UNC13C: variants seen among roughly 807,000 people sequenced by gnomAD.
The protein encoded by UNC13C is unc-13 homolog C.
A neutral mutation model predicts 245.4 loss-of-function variants in UNC13C; 174 were observed. The ratio of observed to expected loss-of-function variants is 0.71; its 90% CI spans 0.63 to 0.80. The LOEUF (loss-of-function observed/expected upper bound fraction) is 0.80. UNC13C is among the 30% of genes least tolerant of loss of function. The probability of loss-of-function intolerance (pLI) is 0.00; values close to 1 mark genes in which losing one functional copy is unlikely to be tolerated. For synonymous variants in UNC13C, 992 were observed against 895.1 expected, an observed-to-expected ratio of 1.11 and a Z score of -1.93; for missense variants, 2,829 against 2,602.9, an observed-to-expected ratio of 1.09 and a Z score of -1.89.
chr15:54,526,083 G>A (rs961489367), intron 25 of UNC13C, among the ~76,000 whole-genome samples: 3 of 152,168 alleles, frequency 2.0e-5, no homozygotes, highest in Admixed American at 6.5e-5. Flanking sequence ...AGTATAGCTG[G>A]ATCAACAACC....
chr15:54,301,629 T>C (rs2037585557), intron 13 of UNC13C, among the ~76,000 whole-genome samples: 1 of 152,184 alleles, frequency 6.6e-6, no homozygotes, highest in African/African-American at 2.4e-5. Context: ...CATCCTTTTT[T>C]ATAGCTGCAT....
intron 2 of UNC13C, among the ~76,000 whole-genome samples, chr15:54,075,350 C>T (rs59386706): frequency 0.21 from 31,129 of 151,136 alleles, 3,718 homozygotes; most frequent in South Asian, 0.35. Context: ...CCAGGCCTGG[C>T]GGCAGGTGCC....
At chr15:54,047,476 T>C (rs546622206) in intron 2 of UNC13C, among the ~76,000 whole-genome samples, 4 of 152,228 alleles carry the variant, frequency 2.6e-5, no homozygotes, top group African/African-American at 9.6e-5. Flanking sequence ...ATCTTGCCTA[T>C]GCTAGTACCT....
intron 2 of UNC13C, among the ~76,000 whole-genome samples, chr15:54,135,659 G>A (rs551694089): frequency 2.4e-4 from 37 of 152,244 alleles, no homozygotes; most frequent in Middle Eastern, 3.4e-3. Context: ...ATCAGTCTAT[G>A]TGTGTATTTT....
At chr15:54,612,261 T>C (rs1298036937) in intron 30 of UNC13C, among the ~76,000 whole-genome samples, 5 of 138,930 alleles carry the variant, frequency 3.6e-5, no homozygotes, top group African/African-American at 1.4e-4. Context: ...GTTTAAAATA[T>C]ATGCTAATGT....
chr15:54,044,329 T>C (rs1896938455), intron 2 of UNC13C: 1 of 234,764 alleles, frequency 4.3e-6, no homozygotes, highest in Admixed American at 5.0e-5. Flanking sequence ...CATCCCTCTA[T>C]ATGCTGATTG....
At position 54,480,257 on chromosome 15, in the gene UNC13C, A is replaced by G. The variant is rs1893030147; in HGVS notation, c.4934-14351A>G. Among the ~76,000 whole-genome samples the G allele has an allele frequency of 2.6e-5, 4 of 151,682 alleles. No individual in the cohort carries two copies. The South Asian group carries it at 8.3e-4, about 31-fold the overall frequency. On this transcript the variant is annotated intron_variant, in intron 19 of 32. Transcript: ENST00000260323. ...TTCATTTAGCTCTGCTGTGGTCTTT[A>G]TTATTTATTTATTATTTAAGCTATT...
At chr15:54,622,958 G>A (rs1900887902) in intron 31 of UNC13C, among the ~76,000 whole-genome samples, 2 of 152,060 alleles carry the variant, frequency 1.3e-5, no homozygotes, top group Non-Finnish European at 2.9e-5. Flanking sequence ...AACTAGGGCT[G>A]CCCAATATAT....
intron 2 of UNC13C, among the ~76,000 whole-genome samples, chr15:54,067,713 A>G (rs1898137726): frequency 6.6e-6 from 1 of 152,190 alleles, no homozygotes; most frequent in African/African-American, 2.4e-5. Flanking sequence ...GGATATTCAG[A>G]CTTACGTCAT....
chr15:54,403,972 G>A (rs2040241410), intron 18 of UNC13C, among the ~76,000 whole-genome samples: 3 of 152,214 alleles, frequency 2.0e-5, no homozygotes, highest in South Asian at 4.1e-4. Flanking sequence ...TAATTTACTA[G>A]TAGAGTCCTG....
rs117042047 is a variant in UNC13C, at chr15:54,528,298, G to T, written c.5546+2661G>T. ...GGTTTCTGCTTACACATGTTTTGCA[G>T]TTTGGTTTTTGGTTTGCTCCTTTTT... On this transcript the variant is annotated intron_variant, in intron 25 of 32. Transcript: ENST00000260323. Among the ~76,000 whole-genome samples the T allele has an allele frequency of 5.2e-3, 763 of 145,754 alleles. 2 individuals are homozygous for T. Among genetic ancestry groups the T allele is most frequent in the Non-Finnish European group, 7.5e-3 (503 of 66,648 alleles).
chr15:54,198,829 C>G (rs1363469785), intron 4 of UNC13C, among the ~76,000 whole-genome samples: 1 of 152,022 alleles, frequency 6.6e-6, no homozygotes, highest in African/African-American at 2.4e-5. Flanking sequence ...AGATCATAAG[C>G]AGTTCACCTG....
chr15:54,243,211 AC>A (rs200434457), intron 7 of UNC13C, among the ~76,000 whole-genome samples: 6,189 of 136,138 alleles, frequency 0.045, 163 homozygotes, highest in Middle Eastern at 0.12. Flanking sequence ...TTCAGCTCCC[AC>A]TAATAAGTGA....
intron 9 of UNC13C, 109 bp downstream of exon 9, chr15:54,264,504 T>C (rs766156546): frequency 1.1e-6 from 1 of 890,710 alleles, no homozygotes; most frequent in Non-Finnish European, 1.7e-6. Flanking sequence ...ATTTTTTGAA[T>C]CATGTTAATA....
At chr15:54,163,428 A>C (rs557237197) in intron 4 of UNC13C, among the ~76,000 whole-genome samples, 1 of 152,230 alleles carries the variant, frequency 6.6e-6, no homozygotes, top group East Asian at 1.9e-4. Flanking sequence ...TAAGCCATTA[A>C]ATTTGTGATA....
intron 12 of UNC13C, among the ~76,000 whole-genome samples, chr15:54,299,766 A>G (rs2037528616): frequency 6.6e-6 from 1 of 152,166 alleles, no homozygotes; most frequent in South Asian, 2.1e-4. Context: ...TCTCAGCTGC[A>G]GTGTAATAGA....
the UNC13C span, among the ~76,000 whole-genome samples, chr15:53,850,665 T>C: frequency 6.6e-6 from 1 of 152,144 alleles, no homozygotes; most frequent in Non-Finnish European, 1.5e-5. Flanking sequence ...TGTGATTTTC[T>C]TTATGTTAAT....
At chr15:54,334,388 C>A (rs1019424052) in intron 16 of UNC13C, among the ~76,000 whole-genome samples, 9 of 152,132 alleles carry the variant, frequency 5.9e-5, no homozygotes, top group African/African-American at 9.6e-5. Flanking sequence ...GCTTTAATTG[C>A]GAGTTTTCGG....
the UNC13C span, among the ~76,000 whole-genome samples, chr15:53,938,118 T>C: frequency 1.3e-5 from 2 of 152,146 alleles, no homozygotes; most frequent in African/African-American, 4.8e-5. Context: ...GACCCATTGG[T>C]ATGCTGTCTT....
Sources: allele counts gnomAD v4.1 joint callset (sites outside exome capture counted in the v4.1 genomes callset), GRCh38; gene constraint gnomAD v4.1.1; transcripts MANE v1.5; gene names NCBI Gene and HGNC (gene_info 2026-07-23, HGNC 2026-07-21).